The following ZNF568 variants were observed in gnomAD, a reference collection of about 807,000 sequenced individuals.
The protein encoded by ZNF568 is zinc finger protein 568, also known as p53 inhibitor of SCO2 activation.
Under a neutral mutation model 18.1 loss-of-function variants are expected in ZNF568, and 11 were observed. That is an observed-to-expected ratio of 0.61 (90% CI 0.38 to 1.00). ZNF568 has a LOEUF of 1.00. Among genes scored for constraint, ZNF568 ranks in the 50% least tolerant of loss-of-function variants. The pLI is 0.01. For synonymous variants in ZNF568, 213 were observed against 246.6 expected (o/e 0.86, Z 1.28); for missense variants, 639 against 768.2 (o/e 0.83, Z 1.99).
chr19:36,986,611 G>A lies in ZNF568; in HGVS notation c.10-4565G>A, dbSNP rs577303503. ...TCCCCCACAGAGCCTGGTGTCCTAT[G>A]ATTGATTTTCTTTTTTTCCCCCCTC... On this transcript the variant is annotated intron_variant, in intron 2 of 4. Transcript: ENST00000433993. 5.9e-5 allele frequency among the ~76,000 whole-genome samples: 9 copies of A among 152,238 alleles called. No individual in the cohort carries two copies. The East Asian group carries it at 1.7e-3, about 29-fold the overall frequency.
chr19:36,956,553 C>T (rs1279248562), downstream of ZNF568, among the ~76,000 whole-genome samples: 1 of 151,908 alleles, frequency 6.6e-6, no homozygotes, highest in Non-Finnish European at 1.5e-5. Flanking sequence ...TGACTTAAAA[C>T]AGTAGACATT....
At chr19:36,957,671 G>A (rs1425246929), downstream of ZNF568, among the ~76,000 whole-genome samples, 1 of 152,162 alleles carries the variant, frequency 6.6e-6, no homozygotes, top group African/African-American at 2.4e-5. Flanking sequence ...GAGGACTTGA[G>A]AAACAAAGAA....
At chr19:36,924,210 T>C (rs550376274) in intron 3 of ZNF568, among the ~76,000 whole-genome samples, 9 of 152,072 alleles carry the variant, frequency 5.9e-5, no homozygotes, top group Admixed American at 3.3e-4. Flanking sequence ...GATGAAGGTT[T>C]TTTTCTAAAT....
intron 4 of ZNF568, among the ~76,000 whole-genome samples, chr19:36,935,923 TC>T (rs1705075964): frequency 6.6e-6 from 1 of 152,176 alleles, no homozygotes; most frequent in African/African-American, 2.4e-5. Flanking sequence ...TGACAATCTG[TC>T]CTTTTTTTTG....
At chr19:36,945,253 A>G (rs1024753896) in intron 6 of ZNF568, among the ~76,000 whole-genome samples, 25 of 114,096 alleles carry the variant, frequency 2.2e-4, no homozygotes, top group East Asian at 8.9e-4. Context: ...GTGTGTGTGT[A>G]TAAAATATAT....
chr19:36,981,353 A>G (rs1487593738), downstream of ZNF568, among the ~76,000 whole-genome samples: 1 of 152,220 alleles, frequency 6.6e-6, no homozygotes, highest in Non-Finnish European at 1.5e-5. Flanking sequence ...CAATTTCTGT[A>G]GAAATCCAGT....
intron 6 of ZNF568, among the ~76,000 whole-genome samples, chr19:36,940,914 C>T (rs2073869649): frequency 1.3e-5 from 2 of 151,944 alleles, no homozygotes; most frequent in South Asian, 4.1e-4. Flanking sequence ...AGAAACATGG[C>T]CTGATTAGAG....
At chr19:36,996,405 T>C in exon 5 of ZNF568, 1 of 1,536,364 alleles carries the variant, frequency 6.5e-7, no homozygotes, top group Non-Finnish European at 8.7e-7. Flanking sequence ...AGGCCAGAGT[T>C]ATCAGAGAAA....
intron 6 of ZNF568, among the ~76,000 whole-genome samples, chr19:36,958,450 G>A (rs1451142015): frequency 6.6e-6 from 1 of 151,724 alleles, no homozygotes; most frequent in Non-Finnish European, 1.5e-5. Flanking sequence ...AATAGATACA[G>A]GCCTGTTTGG....
chr19:36,929,119 T>C (rs1168794059), intron 4 of ZNF568, among the ~76,000 whole-genome samples: 1 of 130,718 alleles, frequency 7.7e-6, no homozygotes, highest in Non-Finnish European at 1.7e-5. Context: ...TACATAACTT[T>C]AGGGAAAAAA....
At chr19:36,983,168 G>A (rs1361325583), downstream of ZNF568, among the ~76,000 whole-genome samples, 1 of 152,224 alleles carries the variant, frequency 6.6e-6, no homozygotes, top group Non-Finnish European at 1.5e-5. Flanking sequence ...CTTCTGTGCT[G>A]CATGGCAGAG....
intron 4 of ZNF568, among the ~76,000 whole-genome samples, chr19:36,993,892 A>C (rs1488068970): frequency 6.6e-6 from 1 of 150,864 alleles, no homozygotes; most frequent in African/African-American, 2.4e-5. Context: ...TCTATTCTCT[A>C]TTTTGTTCAT....
chr19:36,992,884 TATC>T (rs1346742910), intron 4 of ZNF568, among the ~76,000 whole-genome samples: 13 of 152,232 alleles, frequency 8.5e-5, no homozygotes, highest in African/African-American at 2.9e-4. Flanking sequence ...ATATTAATGA[TATC>T]ACACAACATA....
chr19:36,950,685 T>G lies in ZNF568; in HGVS notation c.1532T>G (p.Phe511Cys), dbSNP rs374208299. The G allele has an allele frequency of 1.4e-5, 23 of 1,613,932 alleles. No individual in the cohort carries two copies. The highest frequency in any genetic ancestry group is 1.9e-5 in the Non-Finnish European group (23 of 1,179,968). Residue 511 changes from phenylalanine (F) to cysteine (C), a missense_variant, in exon 7 of 7, where the codon TTT becomes TGT. Transcript: ENST00000333987. ...PYACTVCGKA[F>C]SQKSNLTEHE... ...GCATGTACAGTATGTGGAAAAGCCTTTAGTCAGAAATCAAACCTCACTGAA... is the reference window on the plus strand; with the variant it reads ...GCATGTACAGTATGTGGAAAAGCCTGTAGTCAGAAATCAAACCTCACTGAA...
intron 4 of ZNF568, among the ~76,000 whole-genome samples, chr19:36,929,233 A>G (rs913569924): frequency 6.6e-6 from 1 of 152,144 alleles, no homozygotes; most frequent in Admixed American, 6.6e-5. Context: ...ATTATATTCT[A>G]TTATGTATCT....
Position 36,952,142 on chromosome 19 carries a change from A to T in ZNF568, c.*1054A>T, listed in dbSNP as rs2146315214. ...AATAATGCATAAGAAATATATATAT[A>T]ATATATGTATGTATGTATAGCCAGA... On this transcript the variant is annotated 3_prime_UTR_variant, in exon 7 of 7. Coordinates refer to ENST00000333987, the MANE Select transcript of ZNF568 (RefSeq NM_198539.4). The T allele has an allele frequency of 1.7e-6, 1 of 583,542 alleles. No homozygotes were observed. The allele number at this position is 583,542 out of a possible 1,614,324, so 36.1% of individuals were successfully genotyped here. A position where few individuals can be genotyped will look rare whatever the true frequency, so the allele number is the denominator to read the frequency against.
At chr19:36,971,682 G>A (rs560524232) in intron 6 of ZNF568, among the ~76,000 whole-genome samples, 1 of 152,068 alleles carries the variant, frequency 6.6e-6, no homozygotes, top group Non-Finnish European at 1.5e-5. Context: ...GGGACTACAG[G>A]TGCACACCAC....
chr19:36,937,025 G>T, intron 5 of ZNF568, 122 bp from the exon 6 acceptor site: 1 of 1,348,652 alleles, frequency 7.4e-7, no homozygotes, highest in Non-Finnish European at 1.0e-6. Context: ...TGATTACTTT[G>T]TGTCATTGTG....
intron 6 of ZNF568, among the ~76,000 whole-genome samples, chr19:36,964,679 T>C (rs1316161066): frequency 6.6e-6 from 1 of 152,142 alleles, no homozygotes; most frequent in East Asian, 1.9e-4. Context: ...TGGCGGACGG[T>C]GTGACACACA....
Sources: allele counts gnomAD v4.1 joint callset (sites outside exome capture counted in the v4.1 genomes callset), GRCh38; gene constraint gnomAD v4.1.1; transcripts MANE v1.5; gene names NCBI Gene and HGNC (gene_info 2026-07-23, HGNC 2026-07-21).